The following NCS1 variants were observed in gnomAD, a reference collection of about 807,000 sequenced individuals.
NCS1 encodes the protein frequenin homolog.
Under a neutral mutation model 28.4 loss-of-function variants are expected in NCS1, and 6 were observed. The ratio of observed to expected loss-of-function variants is 0.21; its 90% CI spans 0.12 to 0.42. NCS1 has a LOEUF of 0.42. Ranked by LOEUF, NCS1 falls within the 10% of genes least tolerant of loss-of-function variation. NCS1 has a pLI of 1.00. For missense variants in NCS1, 131 were observed against 241.4 expected, an observed-to-expected ratio of 0.54 and a Z score of 3.03; for synonymous variants, 86 against 99.3, an observed-to-expected ratio of 0.87 and a Z score of 0.79.
intron 1 of NCS1, among the ~76,000 whole-genome samples, chr9:130,183,045 T>TG (rs1405773813): frequency 1.3e-5 from 2 of 152,206 alleles, no homozygotes; most frequent in Admixed American, 1.3e-4. Flanking sequence ...TGCAGAAGGC[T>TG]GGGATCTTTC....
At chr9:130,182,391 C>T (rs1393419232) in intron 1 of NCS1, among the ~76,000 whole-genome samples, 6 of 152,222 alleles carry the variant, frequency 3.9e-5, no homozygotes, top group Non-Finnish European at 4.4e-5. Flanking sequence ...GCATCCAAGC[C>T]GCTGCTGGAG....
chr9:130,225,201 A>G (rs1408394072), intron 6 of NCS1, among the ~76,000 whole-genome samples: 1 of 152,216 alleles, frequency 6.6e-6, no homozygotes, highest in Non-Finnish European at 1.5e-5. Context: ...CAATCAATCA[A>G]TCGATCAGTC....
intron 1 of NCS1, among the ~76,000 whole-genome samples, chr9:130,190,771 T>C (rs1323158953): frequency 6.6e-6 from 1 of 152,156 alleles, no homozygotes; most frequent in Non-Finnish European, 1.5e-5. Flanking sequence ...CCATCTCCAC[T>C]CCTCCACCCC....
chr9:130,222,194 A>T (rs1402912842), intron 4 of NCS1, among the ~76,000 whole-genome samples: 1 of 149,942 alleles, frequency 6.7e-6, no homozygotes, highest in Non-Finnish European at 1.5e-5. Flanking sequence ...TTGCTCTGTC[A>T]CCCAGGCTGG....
At chr9:130,216,712 T>C (rs1833194982) in intron 2 of NCS1, among the ~76,000 whole-genome samples, 1 of 144,340 alleles carries the variant, frequency 6.9e-6, no homozygotes, top group African/African-American at 2.6e-5. Flanking sequence ...TGAGACTCTG[T>C]CTCAAAAAAA....
At chr9:130,213,583 G>C (rs367601907) in intron 2 of NCS1, among the ~76,000 whole-genome samples, 1 of 142,288 alleles carries the variant, frequency 7.0e-6, no homozygotes, top group East Asian at 2.1e-4. Context: ...CTGGCCCACC[G>C]GTTTTCTTTT....
chr9:130,216,871 G>A (rs1833197764), intron 2 of NCS1, among the ~76,000 whole-genome samples: 2 of 151,212 alleles, frequency 1.3e-5, no homozygotes, highest in African/African-American at 2.4e-5. Context: ...GCTTCCCGAT[G>A]TGGAAGGAAT....
intron 7 of NCS1, among the ~76,000 whole-genome samples, chr9:130,227,691 T>G (rs1447093868): frequency 6.6e-6 from 1 of 152,382 alleles, no homozygotes; most frequent in East Asian, 1.9e-4. Context: ...ATCACCCATT[T>G]TAATGTGCTC....
chr9:130,203,890 C>A (rs1832990612), intron 2 of NCS1, among the ~76,000 whole-genome samples: 1 of 152,218 alleles, frequency 6.6e-6, no homozygotes, highest in Admixed American at 6.5e-5. Flanking sequence ...CTCCCCTTCC[C>A]ACACCTGGGC....
In NCS1 at chr9:130,172,617, C is replaced by A. The variant is rs782060266; in HGVS notation, c.-47C>A. Reference sequence around the variant, plus strand: ...CCGGCCCAGCCGCTCCTGCTGGGCGCCCCAACCGGGTCCGGCCCGGGGGGG... The same window carrying A: ...CCGGCCCAGCCGCTCCTGCTGGGCGACCCAACCGGGTCCGGCCCGGGGGGG... On this transcript the variant is annotated 5_prime_UTR_variant, in exon 1 of 8. Transcript: ENST00000372398. 36 of 1,259,218 alleles carry A rather than the reference C, an allele frequency of 2.9e-5. 1 individual carries two copies. Among genetic ancestry groups the A allele is most frequent in the Admixed American group, 2.7e-4 (10 of 37,070 alleles). The allele number at this position is 1,259,218 out of a possible 1,614,324, so 78.0% of individuals were successfully genotyped here. A position where few individuals can be genotyped will look rare whatever the true frequency, so the allele number is the denominator to read the frequency against.
intron 1 of NCS1, among the ~76,000 whole-genome samples, chr9:130,176,174 CTTTCTTTCTTTCTTTCTTTCTTTT>C (rs1832565485): frequency 3.2e-5 from 2 of 63,488 alleles, no homozygotes; most frequent in African/African-American, 3.2e-4. Flanking sequence ...TTCTTTCTTT[CTTTCTTTCTTTCTTTCTTTCTTTT>C]TTTTTTTTTT....
Position 130,235,056 on chromosome 9 carries a change from C to A in NCS1, c.*2084C>A. The A allele has an allele frequency of 6.6e-6, 1 of 152,544 alleles. No individual in the cohort carries two copies. Among genetic ancestry groups the A allele is most frequent in the Non-Finnish European group, 1.5e-5 (1 of 68,240 alleles). 9.4% of individuals were successfully genotyped at this position (152,544 alleles called of 1,614,324 possible). A position where few individuals can be genotyped will look rare whatever the true frequency, so the allele number is the denominator to read the frequency against. ...CCCCTTGGCTGGAGCATTCAGCCAA[C>A]CCCAGCGTCCCCCCTGAGGCGTTCA... On this transcript the variant is annotated 3_prime_UTR_variant, in exon 8 of 8. Coordinates refer to ENST00000372398, the MANE Select transcript of NCS1 (RefSeq NM_014286.4).
intron 2 of NCS1, among the ~76,000 whole-genome samples, chr9:130,205,009 G>A (rs7024934): frequency 0.88 from 134,132 of 151,828 alleles, 59,962 homozygotes; most frequent in East Asian, 0.98. Flanking sequence ...CCCAGGCCCC[G>A]ACATACACAT....
At position 130,226,459 on chromosome 9, in the gene NCS1, C is replaced by T. The variant is rs1833417637; in HGVS notation, c.545C>T (p.Ala182Val). The part of the protein sequence containing the change: ...GSKADPSIVQ[A>V]LSLYDGLV The stretch of plus-strand genomic sequence containing the variant: ...AAGGCAGACCCGTCCATTGTGCAGG[C>T]GCTGTCCCTCTACGACGGGCTGGTA... The change falls in exon 7 of 8, where the codon GCG (alanine) becomes GTG (valine). Residue 182 changes from alanine to valine, a missense_variant. Coordinates refer to ENST00000372398, the MANE Select transcript of NCS1 (RefSeq NM_014286.4). The surrounding 1 kb of genome is among the most constrained non-coding windows in gnomAD (Gnocchi z 4.8). The T allele has an allele frequency of 3.1e-6, 5 of 1,613,880 alleles. No individual in the cohort carries two copies. Among genetic ancestry groups the T allele is most frequent in the East Asian group, 2.2e-5 (1 of 44,874 alleles).
chr9:130,220,168 G>A (rs1300124795), intron 4 of NCS1, among the ~76,000 whole-genome samples: 2 of 152,224 alleles, frequency 1.3e-5, no homozygotes, highest in Non-Finnish European at 2.9e-5. Context: ...GCAGACTTGG[G>A]CCGCAGGAGG....
intron 2 of NCS1, among the ~76,000 whole-genome samples, chr9:130,206,403 C>CTTTTTTTTTTTTTTTTTTTTTTT (rs71387330): frequency 8.6e-6 from 1 of 116,516 alleles, no homozygotes; most frequent in African/African-American, 3.3e-5. Flanking sequence ...TTCTTTCTTT[C>CTTTTTTTTTTTTTTTTTTTTTTT]TTTTTTTTTT....
At chr9:130,222,132 ATATATATACG>A (rs879963604) in intron 4 of NCS1, among the ~76,000 whole-genome samples, 1,733 of 142,856 alleles carry the variant, frequency 0.012, 46 homozygotes, top group Admixed American at 0.024. Context: ...ATATGTGTAT[ATATATATACG>A]TATATATATA....
rs184124776 is a variant in NCS1 at position 130,182,919 on chromosome 9, G to T, written c.64+10192G>T. ...CCAAGTCCTCACAGGTGCAGTGTGG[G>T]TTTTGGGGGCATGGTGGCCAAGGGG... is the stretch of plus-strand genomic sequence containing the variant. On this transcript the variant is annotated intron_variant, in intron 1 of 7. Transcript: ENST00000372398. Among the ~76,000 whole-genome samples, 15 of 152,350 alleles carry T rather than the reference G, an allele frequency of 9.8e-5. No homozygotes were observed. In the East Asian group the frequency reaches 2.9e-3, roughly 29 times the overall value.
chr9:130,235,449 T>C lies in NCS1; in HGVS notation c.*2477T>C, dbSNP rs1446899728. The C allele has an allele frequency of 1.3e-5, 2 of 152,534 alleles. No homozygotes were observed. Among genetic ancestry groups the C allele is most frequent in the Non-Finnish European group, 2.9e-5 (2 of 68,276 alleles). 9.4% of individuals were successfully genotyped at this position (152,534 alleles called of 1,614,324 possible). A position where few individuals can be genotyped will look rare whatever the true frequency, so the allele number is the denominator to read the frequency against. ...TGACACTGTTGTACAACCTGACCTG[T>C]GGCTGAGGGTGTCTGGGCTTAAGCA... is the stretch of plus-strand genomic sequence containing the variant. On this transcript the variant is annotated 3_prime_UTR_variant, in exon 8 of 8. Coordinates refer to ENST00000372398, the MANE Select transcript of NCS1 (RefSeq NM_014286.4).
Sources: gnomAD v4.1 joint callset for allele counts (sites outside exome capture counted in the v4.1 genomes callset) on GRCh38, gnomAD v4.1.1 for gene constraint, Gnocchi (gnomAD v3.1) non-coding constraint, MANE v1.5 for transcripts, NCBI Gene and HGNC (gene_info 2026-07-23, HGNC 2026-07-21) for gene names.